NTRK2: variants seen among roughly 807,000 people sequenced by gnomAD.
NTRK2 encodes neurotrophic receptor tyrosine kinase 2, also known as BDNF/NT-3 growth factors receptor.
Under a neutral mutation model 94.5 loss-of-function variants are expected in NTRK2, and 13 were observed. The ratio of observed to expected loss-of-function variants is 0.14; its 90% CI spans 0.09 to 0.22. NTRK2 has a LOEUF of 0.22. NTRK2 is among the 10% of genes least tolerant of loss of function. The pLI, the probability that NTRK2 is intolerant of heterozygous loss-of-function variation, is 1.00. For synonymous variants in NTRK2, 372 were observed against 407.4 expected (o/e 0.91, Z 1.05); for missense variants, 639 against 1,071.2 (o/e 0.60, Z 5.63).
At chr9:84,686,773 T>C (rs2059741995) in intron 2 of NTRK2, among the ~76,000 whole-genome samples, 2 of 152,192 alleles carry the variant, frequency 1.3e-5, no homozygotes, top group African/African-American at 2.4e-5. Context: ...TTAACGCTAT[T>C]AGACATTTGA....
intron 14 of NTRK2, among the ~76,000 whole-genome samples, chr9:84,918,967 T>G (rs145247698): frequency 9.8e-4 from 150 of 152,288 alleles, no homozygotes; most frequent in Middle Eastern, 3.4e-3. Flanking sequence ...GAACCTGCAA[T>G]AGCTCCCATC....
At chr9:84,897,412 G>A (rs140255031) in intron 14 of NTRK2, among the ~76,000 whole-genome samples, 3 of 152,212 alleles carry the variant, frequency 2.0e-5, no homozygotes, top group Admixed American at 6.5e-5. Context: ...TGGAATTACA[G>A]GCGTGAGCCA....
In NTRK2 at chr9:84,861,175, A is replaced by G. The variant is rs2075322988; in HGVS notation, c.1444+88A>G. 3.9e-6 allele frequency: 4 copies of G among 1,014,726 alleles called. No homozygotes were observed. In the African/African-American group the frequency reaches 4.8e-5, roughly 12 times the overall value. 62.9% of individuals were successfully genotyped at this position (1,014,726 alleles called of 1,614,324 possible). Reference sequence around the variant, plus strand: ...AATGCTTAGACCCTCTTTACATTCCACGGTCTTTGATTCATTTTCTGTGTT... The same window carrying G: ...AATGCTTAGACCCTCTTTACATTCCGCGGTCTTTGATTCATTTTCTGTGTT... On this transcript the variant is annotated intron_variant, in intron 13 of 18. Transcript: ENST00000277120.
chr9:84,839,481 T>G (rs1448048043), intron 12 of NTRK2, among the ~76,000 whole-genome samples: 1 of 152,256 alleles, frequency 6.6e-6, no homozygotes, highest in Non-Finnish European at 1.5e-5. Flanking sequence ...CATTTCACTG[T>G]GACGGGTCTT....
intron 15 of NTRK2, among the ~76,000 whole-genome samples, chr9:84,934,777 C>A (rs1200915964): frequency 6.6e-6 from 1 of 152,158 alleles, no homozygotes; most frequent in East Asian, 1.9e-4. Context: ...GCGTACAAAT[C>A]TCCAGGGTTT....
chr9:84,745,645 T>A (rs970281305), intron 11 of NTRK2, among the ~76,000 whole-genome samples: 3 of 152,118 alleles, frequency 2.0e-5, no homozygotes, highest in Non-Finnish European at 4.4e-5. Context: ...GGAGCCTTTG[T>A]GGGGCAAGTG....
chr9:84,736,298 A>G (rs972903212), intron 9 of NTRK2, among the ~76,000 whole-genome samples: 2 of 152,210 alleles, frequency 1.3e-5, no homozygotes, highest in Non-Finnish European at 2.9e-5. Flanking sequence ...CCTGTCTCCT[A>G]TGCGAAATGC....
At chr9:84,887,057 A>C (rs1267247326) in intron 14 of NTRK2, among the ~76,000 whole-genome samples, 2 of 152,218 alleles carry the variant, frequency 1.3e-5, no homozygotes, top group African/African-American at 2.4e-5. Context: ...GTTTGAACAA[A>C]AGATAAGATT....
At chr9:84,876,494 G>A in intron 14 of NTRK2, 2 of 1,055,400 alleles carry the variant, frequency 1.9e-6, no homozygotes, top group Non-Finnish European at 2.3e-6. Flanking sequence ...CTGAGGAATA[G>A]AGAGGCACTA....
chr9:84,994,449 C>T (rs1426263879), intron 17 of NTRK2, among the ~76,000 whole-genome samples: 2 of 152,206 alleles, frequency 1.3e-5, no homozygotes, highest in Non-Finnish European at 2.9e-5. Flanking sequence ...ACACGGAGCA[C>T]AGGTAACAGT....
intron 12 of NTRK2, among the ~76,000 whole-genome samples, chr9:84,835,695 G>C (rs569690949): frequency 1.5e-3 from 231 of 152,320 alleles, no homozygotes; most frequent in African/African-American, 5.4e-3. Flanking sequence ...AGCCGCATGG[G>C]TAACAGCAGC....
rs1267449952 is a variant in NTRK2, at chr9:84,815,518, G to GTTTT, written c.1397-45509_1397-45506dup. 4.8e-4 allele frequency: 449 copies of GTTTT among 940,570 alleles called. 2 individuals carry two copies. The African/African-American group carries it at 6.9e-3, about 14-fold the overall frequency. 58.3% of individuals were successfully genotyped at this position (940,570 alleles called of 1,614,324 possible). A position where few individuals can be genotyped will look rare whatever the true frequency, so the allele number is the denominator to read the frequency against. On this transcript the variant is annotated intron_variant, in intron 12 of 18. Transcript: ENST00000277120. ...AGCCTGTGAATCATTCTCATGCCCT[G>GTTTT]TTTTTTTTTTTTTTTTCCTATAATG...
rs564951967 is a variant in NTRK2 at position 84,948,229 on chromosome 9, A to G, written c.1765-233A>G. 1.3e-3 allele frequency among the ~76,000 whole-genome samples: 198 copies of G among 152,220 alleles called. 1 individual carries two copies. The highest frequency in any genetic ancestry group is 2.1e-3 in the Non-Finnish European group (144 of 68,042). ...AGGGTTAGAAAGGATGTGGACCCTA[A>G]AAAGACCTCCTGTCTGTAACCTAAT... On this transcript the variant is annotated intron_variant, in intron 15 of 18. Coordinates refer to ENST00000277120, the MANE Select transcript of NTRK2 (RefSeq NM_006180.6).
intron 14 of NTRK2, among the ~76,000 whole-genome samples, chr9:84,899,575 A>G (rs1390949478): frequency 2.0e-5 from 3 of 152,220 alleles, no homozygotes; most frequent in Admixed American, 6.5e-5. Flanking sequence ...CAAAACCCAC[A>G]GTTTGAGTAA....
chr9:84,838,984 G>A (rs1363194687), intron 12 of NTRK2, among the ~76,000 whole-genome samples: 1 of 151,696 alleles, frequency 6.6e-6, no homozygotes, highest in African/African-American at 2.4e-5. Flanking sequence ...CAAAGGCCTT[G>A]GGAGGTGAAA....
intron 14 of NTRK2, chr9:84,871,684 C>T: frequency 1.1e-6 from 1 of 930,862 alleles, no homozygotes; most frequent in Non-Finnish European, 1.8e-6. Flanking sequence ...ATGAGGGTTT[C>T]ATTTACAAAG....
intron 4 of NTRK2, among the ~76,000 whole-genome samples, chr9:84,707,099 T>A (rs2061151431): frequency 6.6e-6 from 1 of 152,196 alleles, no homozygotes; most frequent in Non-Finnish European, 1.5e-5. Flanking sequence ...CAAAATCTCA[T>A]GACACTGATC....
intron 8 of NTRK2, among the ~76,000 whole-genome samples, chr9:84,725,684 A>G (rs2062402681): frequency 6.8e-6 from 1 of 147,818 alleles, no homozygotes; most frequent in Admixed American, 6.7e-5. Context: ...ATGCATATGT[A>G]TAATATATAT....
rs148461083 is a variant in NTRK2 at position 84,867,391 on chromosome 9, G to A, written c.1593G>A (p.Gln531=). 2.5e-6 allele frequency: 4 copies of A among 1,613,842 alleles called. No homozygotes were observed. Among genetic ancestry groups the A allele is most frequent in the Non-Finnish European group, 3.4e-6 (4 of 1,179,920 alleles). ...MTKIPVIENP[Q]YFGITNSQLK... is the part of the protein sequence containing the mutation. The stretch of plus-strand genomic sequence containing the variant: ...AGATCCCTGTCATTGAAAATCCCCA[G>A]TACTTTGGCATCACCAACAGTCAGC... Residue 531 remains glutamine (Q), a synonymous_variant, in exon 14 of 19, where the codon CAG becomes CAA. Transcript: ENST00000277120.
Sources: allele counts gnomAD v4.1 joint callset (sites outside exome capture counted in the v4.1 genomes callset), GRCh38; gene constraint gnomAD v4.1.1; transcripts MANE v1.5; gene names NCBI Gene and HGNC (gene_info 2026-07-23, HGNC 2026-07-21).